HLTF: variants seen among roughly 807,000 people sequenced by gnomAD.
HLTF encodes the protein helicase like transcription factor.
In HLTF, 127 loss-of-function variants were observed where a neutral mutation model predicts 129.4. The ratio of observed to expected loss-of-function variants is 0.98; its 90% CI spans 0.85 to 1.14. The LOEUF is 1.14. HLTF is among the 50% of genes most tolerant of loss of function. HLTF has a pLI of 0.00. For synonymous variants in HLTF, 332 were observed against 388.8 expected, an observed-to-expected ratio of 0.85 and a Z score of 1.72; for missense variants, 1,139 against 1,187.1, an observed-to-expected ratio of 0.96 and a Z score of 0.60.
intron 15 of HLTF, among the ~76,000 whole-genome samples, 153 bp downstream of exon 15, chr3:149,050,079 C>CA (rs552614788): frequency 1.4e-3 from 181 of 126,634 alleles, no homozygotes; most frequent in East Asian, 2.6e-3. Context: ...CGCAAAAAGT[C>CA]AAAAAAAAAA....
intron 4 of HLTF, 37 bp from the exon 5 acceptor site, chr3:149,073,359 A>T (rs759787583): frequency 1.4e-6 from 2 of 1,416,536 alleles, no homozygotes; most frequent in Non-Finnish European, 2.0e-6. Context: ...AAGCCATCAA[A>T]TAAAGTAGGT....
At position 149,086,298 on chromosome 3, in the gene HLTF, C is replaced by G; in HGVS notation, c.20+19G>C. ...CCAGGCCGTTAGACCGAGCGCCCCA[C>G]CCCCTCCGCCCCCTTCACCTCTTGA... On this transcript the variant is annotated intron_variant, in intron 1 of 24. Coordinates refer to ENST00000310053, the MANE Select transcript of HLTF (RefSeq NM_003071.4). The G allele has an allele frequency of 6.2e-7, 1 of 1,601,210 alleles. No individual in the cohort carries two copies. Among genetic ancestry groups the G allele is most frequent in the South Asian group, 1.1e-5 (1 of 88,786 alleles).
chr3:149,068,310 A>T lies in HLTF; in HGVS notation c.920T>A (p.Val307Glu). 6.4e-7 allele frequency: 1 copy of T among 1,556,320 alleles called. No homozygotes were observed. Among genetic ancestry groups the T allele is most frequent in the Non-Finnish European group, 8.8e-7 (1 of 1,132,112 alleles). ...GLGKTLTAIA[V>E]ILTNFHDGRP... ...GCCATCATGGAAGTTGGTAAGGATT[A>T]CTGCAATGGCCGTAAGAGTTTTACC... Residue 307 changes from valine to glutamate, a missense_variant, in exon 8 of 25, where the codon GTA becomes GAA. Val to Glu is a moderately radical substitution (Grantham distance 121). Coordinates refer to ENST00000310053, the MANE Select transcript of HLTF (RefSeq NM_003071.4).
At chr3:149,069,502 T>C (rs1718675967) in intron 7 of HLTF, among the ~76,000 whole-genome samples, 1 of 152,012 alleles carries the variant, frequency 6.6e-6, no homozygotes, top group Admixed American at 6.6e-5. Context: ...AAGAATGTTC[T>C]TGACGAAGCA....
intron 19 of HLTF, 146 bp downstream of exon 19, chr3:149,042,020 G>A (rs1716171496): frequency 1.5e-6 from 1 of 675,992 alleles, no homozygotes; most frequent in Non-Finnish European, 2.6e-6. Context: ...ATTATTGGAT[G>A]TATTCCTAGC....
chr3:149,072,830 A>G (rs533495804), intron 5 of HLTF, among the ~76,000 whole-genome samples: 7 of 152,228 alleles, frequency 4.6e-5, no homozygotes, highest in Non-Finnish European at 4.4e-5. Flanking sequence ...CTAAATTACA[A>G]ATTAGACAAT....
chr3:149,077,339 G>GA (rs1223076500), intron 2 of HLTF, among the ~76,000 whole-genome samples: 1 of 151,820 alleles, frequency 6.6e-6, no homozygotes, highest in Non-Finnish European at 1.5e-5. Context: ...GCAGTCACCA[G>GA]AAAAAAAGAG....
In HLTF at chr3:149,046,140, G is replaced by C; in HGVS notation, c.2012C>G (p.Ser671Ter). The change falls in exon 18 of 25, where the codon TCA (serine) becomes TGA (stop). Residue 671 changes from serine (S) to a stop codon, truncating the protein, a stop_gained. Transcript: ENST00000310053. LOFTEE classifies it high-confidence loss of function. ...RKVFIQHITLSDEERKIYQSV... is the reference protein window; with the variant it reads ...RKVFIQHITL Reference sequence around the variant, plus strand: ...CTGATAAATCTTTCTCTCTTCATCTGAAAGTGTAATGTGCTGAATAAATAC... The same window carrying C: ...CTGATAAATCTTTCTCTCTTCATCTCAAAGTGTAATGTGCTGAATAAATAC... 1.9e-6 allele frequency: 3 copies of C among 1,611,146 alleles called. No individual in the cohort carries two copies. Among genetic ancestry groups the C allele is most frequent in the Non-Finnish European group, 2.5e-6 (3 of 1,178,406 alleles).
Position 149,073,259 on chromosome 3 carries a change from G to A in HLTF, c.593C>T (p.Pro198Leu), listed in dbSNP as rs752775424. 3 of 1,611,194 alleles carry A rather than the reference G, an allele frequency of 1.9e-6. No homozygotes were observed. The highest frequency in any genetic ancestry group is 3.3e-5 in the Admixed American group (2 of 59,898). ...SGRAGPSYSM[P>L]VHAAVQMTTE... is the part of the protein sequence containing the mutation. ...TGTCATCTGTACTGCAGCATGCACT[G>A]GCATACTATAGCTTGGTCCAGCTCT... Residue 198 changes from proline (P) to leucine (L), a missense_variant, in exon 5 of 25, where the codon CCA becomes CTA. Pro to Leu is a moderately conservative substitution (Grantham distance 98). Transcript: ENST00000310053.
chr3:149,039,496 A>G (rs1363347954), intron 22 of HLTF, 85 bp downstream of exon 22: 2 of 730,676 alleles, frequency 2.7e-6, no homozygotes, highest in Non-Finnish European at 4.3e-6. Flanking sequence ...CTGGCAAAAC[A>G]AATTAAGTTT....
chr3:149,036,392 G>A (rs549420154), intron 23 of HLTF, among the ~76,000 whole-genome samples: 2 of 141,714 alleles, frequency 1.4e-5, no homozygotes, highest in Admixed American at 7.6e-5. Context: ...GGGTTCAAGC[G>A]ATTCTCCTGC....
intron 7 of HLTF, among the ~76,000 whole-genome samples, chr3:149,069,910 T>A (rs1189164179): frequency 2.0e-5 from 3 of 152,196 alleles, no homozygotes; most frequent in African/African-American, 7.2e-5. Context: ...TCTAATAACA[T>A]CAGTGGTAAT....
intron 9 of HLTF, among the ~76,000 whole-genome samples, chr3:149,064,354 G>A (rs1718185287): frequency 6.6e-6 from 1 of 152,084 alleles, no homozygotes; most frequent in Non-Finnish European, 1.5e-5. Flanking sequence ...CTTTATGAGG[G>A]TCATTTAAGT....
At position 149,032,133 on chromosome 3, in the gene HLTF, T is replaced by C; in HGVS notation, c.*87A>G. On this transcript the variant is annotated 3_prime_UTR_variant, in exon 25 of 25. Transcript: ENST00000310053. ...TATGCCCCTTTTAGAAGACGTGTTC[T>C]CTAGATCTCATTTCTAAAACTCTGT... 1 of 1,029,836 alleles carries C rather than the reference T, an allele frequency of 9.7e-7. No homozygotes were observed. Among genetic ancestry groups the C allele is most frequent in the Non-Finnish European group, 1.4e-6 (1 of 722,966 alleles). The allele number at this position is 1,029,836 out of a possible 1,614,324, so 63.8% of individuals were successfully genotyped here.
chr3:149,052,579 G>C (rs1717086587), intron 14 of HLTF, among the ~76,000 whole-genome samples: 1 of 152,178 alleles, frequency 6.6e-6, no homozygotes, highest in Non-Finnish European at 1.5e-5. Flanking sequence ...ATTGAAGTCT[G>C]AAGATCTCTG....
chr3:149,043,745 C>A (rs1457274880), intron 18 of HLTF, among the ~76,000 whole-genome samples: 2 of 152,138 alleles, frequency 1.3e-5, no homozygotes, highest in Non-Finnish European at 2.9e-5. Context: ...TTAGAGCTAG[C>A]TGGTCATGAA....
chr3:149,063,359 C>T, intron 10 of HLTF, 72 bp downstream of exon 10: 2 of 1,044,124 alleles, frequency 1.9e-6, no homozygotes, highest in East Asian at 2.4e-5. Context: ...CGTGCCCAGC[C>T]TCTATCTCTT....
chr3:149,067,182 A>G (rs901808782), intron 8 of HLTF, among the ~76,000 whole-genome samples: 4 of 151,204 alleles, frequency 2.6e-5, no homozygotes, highest in Admixed American at 1.3e-4. Flanking sequence ...ATACATATAT[A>G]TATGTATATA....
chr3:149,083,103 T>C (rs980400005), intron 2 of HLTF, among the ~76,000 whole-genome samples: 1 of 152,008 alleles, frequency 6.6e-6, no homozygotes, highest in Non-Finnish European at 1.5e-5. Context: ...TACAAAAAAT[T>C]AGCTGGGCAT....
Sources: gnomAD v4.1 joint callset for allele counts (sites outside exome capture counted in the v4.1 genomes callset) on GRCh38, gnomAD v4.1.1 for gene constraint, MANE v1.5 for transcripts, NCBI Gene and HGNC (gene_info 2026-07-23, HGNC 2026-07-21) for gene names.